The following UGT1A8 variants were observed in gnomAD, a reference collection of about 807,000 sequenced individuals.
The protein encoded by UGT1A8 is UDP-glucuronosyltransferase 1A8.
In UGT1A8, 39 loss-of-function variants were observed where a neutral mutation model predicts 45.3. The ratio of observed to expected loss-of-function variants is 0.86; its 90% CI spans 0.67 to 1.12. The LOEUF is 1.12. Among genes scored for constraint, UGT1A8 ranks in the 50% most tolerant of loss-of-function variants. The pLI is 0.00. For missense variants in UGT1A8, 719 were observed against 664.9 expected, an observed-to-expected ratio of 1.08 and a Z score of -0.90; for synonymous variants, 275 against 249.2, an observed-to-expected ratio of 1.10 and a Z score of -0.97.
intron 1 of UGT1A8, chr2:233,637,345 A>G (rs746903739): frequency 1.2e-6 from 2 of 1,613,818 alleles, no homozygotes; most frequent in Admixed American, 3.3e-5. Context: ...CATTGGTGGT[A>G]TCAACTGTCA....
At chr2:233,764,795 T>C (rs148070412) in intron 1 of UGT1A8, among the ~76,000 whole-genome samples, 7 of 152,082 alleles carry the variant, frequency 4.6e-5, no homozygotes, top group Non-Finnish European at 7.4e-5. Flanking sequence ...CCTCAGGGTG[T>C]TCTTGCTACA....
chr2:233,704,888 CT>C lies in UGT1A8; in HGVS notation c.856-62143del, dbSNP rs1342993074. On this transcript the variant is annotated intron_variant, in intron 1 of 4. Transcript: ENST00000373450. ...GTGGCTCACTCCTGTAATCCCAGCA[CT>C]TTGGAAGGCTGAGGCAGGTGGATCA... Among the ~76,000 whole-genome samples the C allele has an allele frequency of 1.2e-4, 18 of 152,168 alleles. No individual in the cohort carries two copies. The East Asian group carries it at 3.5e-3, about 29-fold the overall frequency.
At chr2:233,633,171 T>C (rs775544347) in intron 1 of UGT1A8, among the ~76,000 whole-genome samples, 13 of 152,202 alleles carry the variant, frequency 8.5e-5, no homozygotes, top group Non-Finnish European at 1.5e-4. Context: ...GACTTGATCA[T>C]GGTGGATAAG....
chr2:233,682,383 C>T lies in UGT1A8; in HGVS notation c.855+63821C>T, dbSNP rs368625224. ...TGTTTTGATGCAGTGTTTCTCGATC[C>T]TTTTGATGCCTGTGGCTTAATTGTT... is the stretch of plus-strand genomic sequence containing the variant. On this transcript the variant is annotated intron_variant, in intron 1 of 4. Transcript: ENST00000373450. The T allele has an allele frequency of 2.5e-6, 4 of 1,613,858 alleles. No individual in the cohort carries two copies. In the South Asian group the frequency reaches 4.4e-5, roughly 18 times the overall value.
At chr2:233,737,569 A>C (rs1156653495) in intron 1 of UGT1A8, among the ~76,000 whole-genome samples, 3 of 152,164 alleles carry the variant, frequency 2.0e-5, no homozygotes, top group African/African-American at 7.2e-5. Context: ...TGCACCCACT[A>C]TCCAACCAGT....
intron 1 of UGT1A8, among the ~76,000 whole-genome samples, chr2:233,728,399 G>A (rs913883256): frequency 6.6e-6 from 1 of 152,174 alleles, no homozygotes; most frequent in African/African-American, 2.4e-5. Context: ...TCTTGCCCAT[G>A]TGTGCTTTAG....
chr2:233,759,816 G>T (rs540177588), intron 1 of UGT1A8, among the ~76,000 whole-genome samples: 2 of 152,284 alleles, frequency 1.3e-5, no homozygotes, highest in East Asian at 3.9e-4. Context: ...AGGCAGTACC[G>T]GGGGAGCTGT....
chr2:233,668,524 ATG>A (rs1404459182), intron 1 of UGT1A8, among the ~76,000 whole-genome samples: 2 of 152,188 alleles, frequency 1.3e-5, no homozygotes, highest in African/African-American at 4.8e-5. Context: ...ATACGTGTGC[ATG>A]TGTCTTTATA....
At chr2:233,688,945 G>A (rs2074920511) in intron 1 of UGT1A8, among the ~76,000 whole-genome samples, 1 of 152,172 alleles carries the variant, frequency 6.6e-6, no homozygotes, top group African/African-American at 2.4e-5. Flanking sequence ...GCAGCATGAA[G>A]CCAAATGTTT....
At chr2:233,670,462 G>T (rs538777395) in intron 1 of UGT1A8, among the ~76,000 whole-genome samples, 1 of 152,354 alleles carries the variant, frequency 6.6e-6, no homozygotes, top group Admixed American at 6.5e-5. Flanking sequence ...GCCCATTCAT[G>T]GAAGGGTTTG....
rs774677126 is a variant in UGT1A8, at chr2:233,772,538, C to T, written c.1572C>T (p.Ala524=). The change falls in exon 5 of 5, where the codon GCC becomes GCT. Residue 524 remains alanine (A), a synonymous_variant. Coordinates refer to ENST00000373450, the MANE Select transcript of UGT1A8 (RefSeq NM_019076.5). ...GGAAAAAAGGGCGAGTTAAGAAAGC[C>T]CACAAATCCAAGACCCATTGAGAAG... ...CLGKKGRVKK[A]HKSKTH is the part of the protein sequence containing the mutation. 4 of 1,614,040 alleles carry T rather than the reference C, an allele frequency of 2.5e-6. No individual in the cohort carries two copies. The highest frequency in any genetic ancestry group is 3.4e-6 in the Non-Finnish European group (4 of 1,179,978).
chr2:233,685,948 A>G (rs1322463324), intron 1 of UGT1A8, among the ~76,000 whole-genome samples: 1 of 152,228 alleles, frequency 6.6e-6, no homozygotes, highest in Non-Finnish European at 1.5e-5. Flanking sequence ...AAAGTCTTTT[A>G]TATGTAGATC....
Position 233,772,431 on chromosome 2 carries a change from A to T in UGT1A8, c.1465A>T (p.Ile489Phe). ...GTACCAGTACCATTCCTTGGACGTG[A>T]TTGGTTTCCTCTTGGCCGTCGTGCT... ...TWYQYHSLDV[I>F]GFLLAVVLTV... The change falls in exon 5 of 5, where the codon ATT becomes TTT. Residue 489 changes from isoleucine to phenylalanine, a missense_variant. Ile to Phe is a conservative substitution (Grantham distance 21, BLOSUM62 0). Coordinates refer to ENST00000373450, the MANE Select transcript of UGT1A8 (RefSeq NM_019076.5). 1 of 1,614,128 alleles carries T rather than the reference A, an allele frequency of 6.2e-7. No individual in the cohort carries two copies. Among genetic ancestry groups the T allele is most frequent in the Non-Finnish European group, 8.5e-7 (1 of 1,180,030 alleles).
chr2:233,636,718 C>G, intron 1 of UGT1A8: 1 of 1,614,158 alleles, frequency 6.2e-7, no homozygotes, highest in South Asian at 1.1e-5. Flanking sequence ...GAGTTGGCAA[C>G]TGGAAAGATC....
intron 1 of UGT1A8, among the ~76,000 whole-genome samples, chr2:233,716,010 A>T (rs1320740182): frequency 6.6e-6 from 1 of 152,160 alleles, no homozygotes; most frequent in Non-Finnish European, 1.5e-5. Flanking sequence ...AATGACTTTA[A>T]TCTGATAGTT....
chr2:233,745,111 T>C (rs1693017578), intron 1 of UGT1A8, among the ~76,000 whole-genome samples: 2 of 151,928 alleles, frequency 1.3e-5, no homozygotes, highest in African/African-American at 4.9e-5. Context: ...TTTAATCTGC[T>C]GTTGGCTGAA....
At chr2:233,620,772 A>G (rs911524201) in intron 1 of UGT1A8, among the ~76,000 whole-genome samples, 2 of 152,180 alleles carry the variant, frequency 1.3e-5, no homozygotes, top group African/African-American at 4.8e-5. Context: ...CCCAACCACA[A>G]AAGTAAAAGT....
At position 233,725,173 on chromosome 2, in the gene UGT1A8, C is replaced by G. The variant is rs567676971; in HGVS notation, c.856-41861C>G. On this transcript the variant is annotated intron_variant, in intron 1 of 4. Transcript: ENST00000373450. ...CTTCGGCTCTGCATGAGAGGGAGAC[C>G]GTGGGGAGAGGCAGAGGCAGAGGCA... Among the ~76,000 whole-genome samples, 8 of 94,296 alleles carry G rather than the reference C, an allele frequency of 8.5e-5. 1 individual carries two copies. The East Asian group carries it at 9.6e-4, about 11-fold the overall frequency. The allele number at this position is 94,296 out of a possible 152,430, so 61.9% of individuals were successfully genotyped here.
chr2:233,662,909 GTTTA>G (rs199680167), intron 1 of UGT1A8, among the ~76,000 whole-genome samples: 2,894 of 150,760 alleles, frequency 0.019, 47 homozygotes, highest in Admixed American at 0.037. Context: ...TACAGTTTTA[GTTTA>G]TTTATATGGT....
Sources: allele counts gnomAD v4.1 joint callset (sites outside exome capture counted in the v4.1 genomes callset), GRCh38; gene constraint gnomAD v4.1.1; transcripts MANE v1.5; gene names NCBI Gene and HGNC (gene_info 2026-07-23, HGNC 2026-07-21).